The following COL6A5 variants were observed in gnomAD, a reference collection of about 807,000 sequenced individuals.
The protein encoded by COL6A5 is collagen alpha-5(VI) chain.
Under a neutral mutation model 65.6 loss-of-function variants are expected in COL6A5, and 48 were observed. The observed-to-expected ratio is 0.73, with a 90% CI of 0.58 to 0.93. The LOEUF is 0.93. Among genes scored for constraint, COL6A5 ranks in the 40% least tolerant of loss-of-function variants. The pLI, the probability that COL6A5 is intolerant of heterozygous loss-of-function variation, is 0.00. For synonymous variants in COL6A5, 291 were observed against 322.8 expected, an observed-to-expected ratio of 0.90 and a Z score of 1.05; for missense variants, 914 against 928.3, an observed-to-expected ratio of 0.98 and a Z score of 0.20.
chr3:130,430,806 T>A (rs72984310), upstream of COL6A5, among the ~76,000 whole-genome samples: 2,192 of 152,272 alleles, frequency 0.014, 55 homozygotes, highest in African/African-American at 0.05. Context: ...TCATTAAGAA[T>A]AATCTTTACT....
chr3:130,464,506 C>CA (rs1349442026), intron 5 of COL6A5, among the ~76,000 whole-genome samples: 5 of 148,462 alleles, frequency 3.4e-5, no homozygotes, highest in African/African-American at 1.1e-4. Flanking sequence ...AGTTGAAAAA[C>CA]AGAGATCATG....
chr3:130,346,632 G>T (rs1047917944), intron 1 of COL6A5, among the ~76,000 whole-genome samples: 2 of 152,154 alleles, frequency 1.3e-5, no homozygotes, highest in African/African-American at 4.8e-5. Flanking sequence ...TCCAGGTAAG[G>T]TTCTTTCAAA....
intron 7 of COL6A5, 145 bp from the exon 40 acceptor site, chr3:130,471,537 T>C: frequency 1.3e-6 from 1 of 752,512 alleles, no homozygotes; most frequent in Non-Finnish European, 2.0e-6. Context: ...ATTGCACAAG[T>C]CAAATTTCAT....
chr3:130,426,099 C>G (rs970809946), intron 29 of COL6A5, 115 bp from the exon 30 acceptor site: 10 of 931,290 alleles, frequency 1.1e-5, no homozygotes, highest in Non-Finnish European at 1.7e-5. Flanking sequence ...TTTAACTACT[C>G]TCTACCAGCT....
upstream of COL6A5, among the ~76,000 whole-genome samples, chr3:130,431,075 T>G (rs1462760357): frequency 6.6e-6 from 1 of 152,216 alleles, no homozygotes; most frequent in Non-Finnish European, 1.5e-5. Context: ...TTTTTAAATT[T>G]TACACACAGT....
At chr3:130,354,311 G>T (rs1934840324) in intron 1 of COL6A5, among the ~76,000 whole-genome samples, 1 of 152,022 alleles carries the variant, frequency 6.6e-6, no homozygotes, top group African/African-American at 2.4e-5. Context: ...GAAATGAATG[G>T]GACCCAAGAT....
At chr3:130,393,158 A>G (rs1276025792) in intron 7 of COL6A5, among the ~76,000 whole-genome samples, 1 of 147,264 alleles carries the variant, frequency 6.8e-6, no homozygotes, top group Non-Finnish European at 1.5e-5. Context: ...CCTGAGCTCT[A>G]TCTAGCCCCT....
At chr3:130,372,269 G>A (rs1320334702) in intron 1 of COL6A5, among the ~76,000 whole-genome samples, 1 of 151,838 alleles carries the variant, frequency 6.6e-6, no homozygotes, top group Non-Finnish European at 1.5e-5. Context: ...TTCTCAAAAT[G>A]TTAAACATAG....
intron 7 of COL6A5, among the ~76,000 whole-genome samples, chr3:130,480,154 C>T (rs2107626670): frequency 6.6e-6 from 1 of 152,054 alleles, no homozygotes; most frequent in South Asian, 2.1e-4. Flanking sequence ...TCTTGCCTTA[C>T]TCTAGCAAAA....
At chr3:130,410,037 A>G in exon 19 of COL6A5, 1 of 1,549,948 alleles carries the variant, frequency 6.5e-7, no homozygotes. Context: ...AATAACATCA[A>G]AGGACAAAAG....
intron 3 of COL6A5, among the ~76,000 whole-genome samples, chr3:130,442,715 C>A (rs1243127788): frequency 6.6e-6 from 1 of 152,052 alleles, no homozygotes; most frequent in East Asian, 1.9e-4. Flanking sequence ...TCTTGCCCAC[C>A]CAACAGTAAG....
chr3:130,379,099 G>T (rs532142076), intron 3 of COL6A5, among the ~76,000 whole-genome samples: 1 of 152,122 alleles, frequency 6.6e-6, no homozygotes, highest in Admixed American at 6.5e-5. Context: ...GGAGGTGGAA[G>T]TGACAGCAGT....
exon 1 of COL6A5, chr3:130,431,771 G>T: frequency 6.4e-7 from 1 of 1,551,594 alleles, no homozygotes; most frequent in Non-Finnish European, 8.7e-7. Context: ...TTTGTGACCC[G>T]CAACGTGTTC....
Position 130,397,654 on chromosome 3 carries a change from C to T in COL6A5, c.3640C>T (p.His1214Tyr), listed in dbSNP as rs944402654. Reference sequence around the variant, plus strand: ...GCAGGGGCAGCCTTTGTTCCAGGGCCACCCCCAGCTGGAATCCTACCTCCC... The same window carrying T: ...GCAGGGGCAGCCTTTGTTCCAGGGCTACCCCCAGCTGGAATCCTACCTCCC... The change falls in exon 9 of 42, where the codon CAC becomes TAC. Residue 1214 changes from histidine (H) to tyrosine (Y), a missense_variant and NMD_transcript_variant. His to Tyr is a moderately conservative substitution (Grantham distance 83, BLOSUM62 2). Coordinates refer to the COL6A5 transcript ENST00000312481. 9.0e-6 allele frequency: 14 copies of T among 1,551,072 alleles called. No homozygotes were observed. The African/African-American group carries it at 1.5e-4, about 17-fold the overall frequency.
At chr3:130,359,664 C>T (rs762607516) in intron 1 of COL6A5, among the ~76,000 whole-genome samples, 6 of 151,888 alleles carry the variant, frequency 4.0e-5, no homozygotes, top group Admixed American at 1.3e-4. Flanking sequence ...ATGAGAGGAT[C>T]CCATAAGGCA....
chr3:130,451,575 T>G (rs1709437796), intron 4 of COL6A5, among the ~76,000 whole-genome samples: 1 of 152,000 alleles, frequency 6.6e-6, no homozygotes, highest in Admixed American at 6.6e-5. Flanking sequence ...AGCCACTAGG[T>G]GATTCCAGAG....
intron 6 of COL6A5, among the ~76,000 whole-genome samples, chr3:130,390,300 C>T (rs1402675585): frequency 2.6e-5 from 4 of 152,122 alleles, no homozygotes; most frequent in African/African-American, 9.7e-5. Context: ...GACTAGTCAC[C>T]AGTTCTCAGT....
intron 1 of COL6A5, among the ~76,000 whole-genome samples, chr3:130,346,564 C>T (rs539932457): frequency 6.6e-6 from 1 of 152,254 alleles, no homozygotes; most frequent in African/African-American, 2.4e-5. Context: ...TTGAGATTTC[C>T]TAAGAACAGC....
At chr3:130,367,422 A>C (rs1935382415) in intron 1 of COL6A5, among the ~76,000 whole-genome samples, 1 of 152,020 alleles carries the variant, frequency 6.6e-6, no homozygotes, top group Admixed American at 6.6e-5. Flanking sequence ...TTTTATCAGC[A>C]TTTGCACGAG....
Sources: allele counts gnomAD v4.1 joint callset (sites outside exome capture counted in the v4.1 genomes callset), GRCh38; gene constraint gnomAD v4.1.1; transcripts MANE v1.5; gene names NCBI Gene and HGNC (gene_info 2026-07-23, HGNC 2026-07-21).